The following GRPEL2 variants were observed in gnomAD, a reference collection of about 807,000 sequenced individuals.
GRPEL2 encodes GrpE like 2, mitochondrial.
In GRPEL2, 18 loss-of-function variants were observed where a neutral mutation model predicts 25.9. The observed-to-expected ratio is 0.70, with a 90% CI of 0.48 to 1.03. The LOEUF (loss-of-function observed/expected upper bound fraction) is 1.03, where lower values mean the gene tolerates loss of function less well. Among genes scored for constraint, GRPEL2 ranks in the 50% least tolerant of loss-of-function variants. The pLI, the probability that GRPEL2 is intolerant of heterozygous loss-of-function variation, is 0.00. For synonymous variants in GRPEL2, 106 were observed against 107.9 expected (o/e 0.98, Z 0.11); for missense variants, 247 against 276.2 (o/e 0.89, Z 0.75).
intron 2 of GRPEL2, among the ~76,000 whole-genome samples, chr5:149,348,794 A>G (rs1757728625): frequency 6.6e-6 from 1 of 152,138 alleles, no homozygotes; most frequent in Admixed American, 6.5e-5. Context: ...GGCATACTGG[A>G]CCCAGTCCTG....
chr5:149,349,801 G>A, intron 3 of GRPEL2, 66 bp downstream of exon 3: 4 of 1,176,394 alleles, frequency 3.4e-6, no homozygotes, highest in South Asian at 1.3e-5. Context: ...TGTAATCCCA[G>A]CACTTTGAGA....
At position 149,354,069 on chromosome 5, in the gene GRPEL2, G is replaced by A. The variant is rs762460040; in HGVS notation, c.*2787G>A. The stretch of plus-strand genomic sequence containing the variant: ...TCCTGCCTTTTTATGGCTGTCTAAA[G>A]TCTAGGGAAAAGGGAAGACTGGTTA... On this transcript the variant is annotated 3_prime_UTR_variant, in exon 4 of 4. Coordinates refer to ENST00000329271, the MANE Select transcript of GRPEL2 (RefSeq NM_152407.4). The A allele has an allele frequency of 1.3e-5, 2 of 152,110 alleles. No homozygotes were observed. The highest frequency in any genetic ancestry group is 2.4e-5 in the African/African-American group (1 of 41,416). The allele number at this position is 152,110 out of a possible 1,614,324, so 9.4% of individuals were successfully genotyped here.
chr5:149,348,244 A>C, intron 1 of GRPEL2, 28 bp from the exon 2 acceptor site: 1 of 1,564,826 alleles, frequency 6.4e-7, no homozygotes, highest in South Asian at 1.2e-5. Context: ...GCATTTCTTC[A>C]TTATGTGCCA....
intron 2 of GRPEL2, among the ~76,000 whole-genome samples, chr5:149,349,302 A>G (rs1487239337): frequency 1.3e-5 from 2 of 152,194 alleles, no homozygotes; most frequent in Non-Finnish European, 2.9e-5. Context: ...TGCCTAGATG[A>G]CATACTTTTA....
chr5:149,345,646 G>C (rs754615786), intron 1 of GRPEL2, 30 bp downstream of exon 1: 50 of 1,565,312 alleles, frequency 3.2e-5, no homozygotes, highest in Admixed American at 1.5e-4. Context: ...AGTCGGGAGC[G>C]TGAGGACTCT....
chr5:149,349,621 T>C (rs1757744890), intron 2 of GRPEL2, 33 bp from the exon 3 acceptor site: 1 of 1,443,278 alleles, frequency 6.9e-7, no homozygotes. Context: ...GTATTTGTTT[T>C]CTCATCCTTT....
At position 149,352,862 on chromosome 5, in the gene GRPEL2, A is replaced by G. The variant is rs1053826678; in HGVS notation, c.*1580A>G. On this transcript the variant is annotated 3_prime_UTR_variant, in exon 4 of 4. Transcript: ENST00000329271. ...GAAGAACAACTAGATATTAATGTCA[A>G]TCATTTAAGATTAATGGGCATGCAA... is the stretch of plus-strand genomic sequence containing the variant. The G allele has an allele frequency of 3.9e-5, 6 of 152,228 alleles. No individual in the cohort carries two copies. The highest frequency in any genetic ancestry group is 2.1e-4 in the South Asian group (1 of 4,832). 9.4% of individuals were successfully genotyped at this position (152,228 alleles called of 1,614,324 possible).
chr5:149,348,566 C>A, intron 2 of GRPEL2, 141 bp downstream of exon 2: 2 of 651,724 alleles, frequency 3.1e-6, no homozygotes, highest in Non-Finnish European at 5.1e-6. Flanking sequence ...CCACTCCTTG[C>A]TAGGTATACT....
chr5:149,353,234 C>T lies in GRPEL2; in HGVS notation c.*1952C>T, dbSNP rs1757802650. ...TAAAACCAGAACATCTTTTGGCATTCCACTAAGTATATATTGTAAATTTAA... is the reference window on the plus strand; with the variant it reads ...TAAAACCAGAACATCTTTTGGCATTTCACTAAGTATATATTGTAAATTTAA... On this transcript the variant is annotated 3_prime_UTR_variant, in exon 4 of 4. Coordinates refer to ENST00000329271, the MANE Select transcript of GRPEL2 (RefSeq NM_152407.4). The T allele has an allele frequency of 6.6e-6, 1 of 152,606 alleles. No homozygotes were observed. The highest frequency in any genetic ancestry group is 1.5e-5 in the Non-Finnish European group (1 of 68,042). 9.5% of individuals were successfully genotyped at this position (152,606 alleles called of 1,614,324 possible). A position where few individuals can be genotyped will look rare whatever the true frequency, so the allele number is the denominator to read the frequency against.
chr5:149,345,591 G>C lies in GRPEL2; in HGVS notation c.52G>C (p.Ala18Pro), dbSNP rs1422573318. The C allele has an allele frequency of 6.2e-7, 1 of 1,610,952 alleles. No individual in the cohort carries two copies. Among genetic ancestry groups the C allele is most frequent in the African/African-American group, 1.3e-5 (1 of 74,910 alleles). Residue 18 changes from alanine (A) to proline (P), a missense_variant, in exon 1 of 4, where the codon GCC becomes CCC. Transcript: ENST00000329271. The part of the protein sequence containing the change: ...AGRLRVQRLL[A>P]WSAAWESKGW... ...CCGGCTGCGGGTGCAGCGCCTACTG[G>C]CCTGGAGTGCCGCGTGGGAGAGCAA...
chr5:149,345,525 G>T lies in GRPEL2; in HGVS notation c.-15G>T, dbSNP rs756832246. On this transcript the variant is annotated 5_prime_UTR_variant, in exon 1 of 4. Transcript: ENST00000329271. The stretch of plus-strand genomic sequence containing the variant: ...GCAAGTGCGCGTGCGCTGCCTCTCA[G>T]CCCAAATTGGAAACATGGCCGTACG... 6.1e-5 allele frequency: 98 copies of T among 1,608,420 alleles called. No homozygotes were observed. The African/African-American group carries it at 7.9e-4, about 13-fold the overall frequency.
In GRPEL2 at chr5:149,345,587, A is replaced by C. The variant is rs140177238; in HGVS notation, c.48A>C (p.Leu16=). ...CGGGCCGGCTGCGGGTGCAGCGCCT[A>C]CTGGCCTGGAGTGCCGCGTGGGAGA... ...LWAGRLRVQR[L]LAWSAAWESK... The change falls in exon 1 of 4, where the codon CTA becomes CTC. Residue 16 remains leucine (L), a synonymous_variant. Coordinates refer to ENST00000329271, the MANE Select transcript of GRPEL2 (RefSeq NM_152407.4). 1.2e-6 allele frequency: 2 copies of C among 1,611,612 alleles called. No homozygotes were observed. The highest frequency in any genetic ancestry group is 2.2e-5 in the South Asian group (2 of 90,506).
At chr5:149,346,336 G>A (rs925584699) in intron 1 of GRPEL2, among the ~76,000 whole-genome samples, 1 of 152,164 alleles carries the variant, frequency 6.6e-6, no homozygotes, top group Non-Finnish European at 1.5e-5. Context: ...TTCTTCCTGG[G>A]ATAGAGAATA....
intron 1 of GRPEL2, chr5:149,347,990 A>G (rs1028458104): frequency 7.4e-6 from 2 of 271,910 alleles, no homozygotes; most frequent in African/African-American, 4.4e-5. Flanking sequence ...TGTGATCTTG[A>G]GCAGGCCATT....
intron 3 of GRPEL2, 76 bp downstream of exon 3, chr5:149,349,811 A>G (rs2127609959): frequency 9.7e-7 from 1 of 1,030,374 alleles, no homozygotes; most frequent in East Asian, 2.5e-5. Flanking sequence ...GCACTTTGAG[A>G]GTCTAAGGCT....
At position 149,353,344 on chromosome 5, in the gene GRPEL2, G is replaced by A. The variant is rs923895946; in HGVS notation, c.*2062G>A. 3.6e-4 allele frequency: 55 copies of A among 152,368 alleles called. No individual in the cohort carries two copies. Among genetic ancestry groups the A allele is most frequent in the African/African-American group, 1.3e-3 (54 of 41,550 alleles). The allele number at this position is 152,368 out of a possible 1,614,324, so 9.4% of individuals were successfully genotyped here. ...TGACAGATGGTGACAATAAGAAAAT[G>A]AGCTGATTGTAATTACTCTCTGTGT... On this transcript the variant is annotated 3_prime_UTR_variant, in exon 4 of 4. Coordinates refer to ENST00000329271, the MANE Select transcript of GRPEL2 (RefSeq NM_152407.4).
chr5:149,347,322 G>A (rs1425504533), intron 1 of GRPEL2, among the ~76,000 whole-genome samples: 3 of 152,180 alleles, frequency 2.0e-5, no homozygotes, highest in African/African-American at 7.2e-5. Context: ...CCTTTGCTCA[G>A]CTGTCTCCGT....
At position 149,353,112 on chromosome 5, in the gene GRPEL2, C is replaced by T. The variant is rs3210763; in HGVS notation, c.*1830C>T. ...CACAAACTTATCAATAAAGCCATCT[C>T]CTTGTGGGCCTTACCATCTTCATCA... On this transcript the variant is annotated 3_prime_UTR_variant, in exon 4 of 4. Transcript: ENST00000329271. 2 of 152,602 alleles carry T rather than the reference C, an allele frequency of 1.3e-5. No homozygotes were observed. Among genetic ancestry groups the T allele is most frequent in the Non-Finnish European group, 2.9e-5 (2 of 68,032 alleles). 9.5% of individuals were successfully genotyped at this position (152,602 alleles called of 1,614,324 possible). A position where few individuals can be genotyped will look rare whatever the true frequency, so the allele number is the denominator to read the frequency against.
intron 1 of GRPEL2, chr5:149,348,000 T>G (rs1304012621): frequency 6.7e-6 from 2 of 298,808 alleles, no homozygotes; most frequent in Non-Finnish European, 1.2e-5. Context: ...AGCAGGCCAT[T>G]ATGCCTTAAG....
Sources: gnomAD v4.1 joint callset for allele counts (sites outside exome capture counted in the v4.1 genomes callset) on GRCh38, gnomAD v4.1.1 for gene constraint, MANE v1.5 for transcripts, NCBI Gene and HGNC (gene_info 2026-07-23, HGNC 2026-07-21) for gene names.